DAAM2: variants seen among roughly 807,000 people sequenced by gnomAD.
DAAM2 encodes the protein disheveled-associated activator of morphogenesis 2.
In DAAM2, 39 loss-of-function variants were observed where a neutral mutation model predicts 120.7. The ratio of observed to expected loss-of-function variants is 0.32; its 90% CI spans 0.25 to 0.42. DAAM2 has a LOEUF of 0.42. Ranked by LOEUF, DAAM2 falls within the 10% of genes least tolerant of loss-of-function variation. The pLI is 1.00. For synonymous variants in DAAM2, 488 were observed against 524.9 expected, an observed-to-expected ratio of 0.93 and a Z score of 0.96; for missense variants, 1,283 against 1,401.7, an observed-to-expected ratio of 0.92 and a Z score of 1.35.
At chr6:39,880,835 T>C (rs992801311) in intron 14 of DAAM2, among the ~76,000 whole-genome samples, 7 of 152,192 alleles carry the variant, frequency 4.6e-5, no homozygotes, top group Non-Finnish European at 1.0e-4. Context: ...AGCAAGATTG[T>C]TGAGGTTGGT....
chr6:39,841,768 G>A (rs1422269286), intron 1 of DAAM2, among the ~76,000 whole-genome samples: 2 of 152,088 alleles, frequency 1.3e-5, no homozygotes, highest in Non-Finnish European at 2.9e-5. Flanking sequence ...GTCCATTCAA[G>A]GACTGTTCTC....
At chr6:39,823,801 T>C (rs1762571508) in intron 1 of DAAM2, among the ~76,000 whole-genome samples, 2 of 152,172 alleles carry the variant, frequency 1.3e-5, no homozygotes, top group Admixed American at 6.5e-5. Context: ...ATCAGCATCC[T>C]TTCTGGATCG....
chr6:39,814,011 T>G (rs1213134011), intron 1 of DAAM2, among the ~76,000 whole-genome samples: 2 of 152,150 alleles, frequency 1.3e-5, no homozygotes, highest in African/African-American at 4.8e-5. Flanking sequence ...AAAGACCAGC[T>G]GATACCCTGT....
intron 19 of DAAM2, among the ~76,000 whole-genome samples, chr6:39,892,205 A>G (rs997342444): frequency 1.3e-5 from 2 of 152,244 alleles, no homozygotes. Context: ...GAACACTTCC[A>G]ATACAGGCCA....
At chr6:39,845,515 C>T (rs557394853) in intron 1 of DAAM2, among the ~76,000 whole-genome samples, 3 of 145,908 alleles carry the variant, frequency 2.1e-5, no homozygotes, top group Admixed American at 6.7e-5. Flanking sequence ...AGTACACATA[C>T]CACACATATG....
At chr6:39,828,398 A>G (rs1484048325) in intron 1 of DAAM2, among the ~76,000 whole-genome samples, 2 of 152,134 alleles carry the variant, frequency 1.3e-5, no homozygotes, top group African/African-American at 4.8e-5. Flanking sequence ...TCATGCAGCC[A>G]ATATTTAATA....
rs538751967 is a variant in DAAM2 at position 39,888,752 on chromosome 6, A to G, written c.2134A>G (p.Met712Val). 2 of 1,612,532 alleles carry G rather than the reference A, an allele frequency of 1.2e-6. No homozygotes were observed. Among genetic ancestry groups the G allele is most frequent in the East Asian group, 2.2e-5 (1 of 44,858 alleles). The change falls in exon 17 of 25, where the codon ATG (methionine) becomes GTG (valine). Residue 712 changes from methionine to valine, a missense_variant. This residue lies in a region of DAAM2 where 748 missense variants were observed against 768.6 expected (regional missense o/e 0.97). Transcript: ENST00000274867. ...TGAGCAGGAGGACCTTGCTAAGGAC[A>G]TGCTGGAGCAGGTGAGGACCCTCGT... ...MDEQEDLAKD[M>V]LEQLLKFIPE...
intron 1 of DAAM2, among the ~76,000 whole-genome samples, chr6:39,839,840 C>T (rs1763254428): frequency 6.6e-6 from 1 of 152,228 alleles, no homozygotes; most frequent in South Asian, 2.1e-4. Context: ...ACCCAGTAGA[C>T]TGGATATGAA....
chr6:39,870,360 A>G lies in DAAM2; in HGVS notation c.894A>G (p.Leu298=). 1 of 1,578,262 alleles carries G rather than the reference A, an allele frequency of 6.3e-7. No individual in the cohort carries two copies. Among genetic ancestry groups the G allele is most frequent in the African/African-American group, 1.3e-5 (1 of 74,402 alleles). ...GAGEDNLEFR[L]HLRYEFLMLG... ...CCCAGGATAATCTGGAGTTCCGCCTACATCTACGGTATGAATTCCTGATGC... is the reference window on the plus strand; with the variant it reads ...CCCAGGATAATCTGGAGTTCCGCCTGCATCTACGGTATGAATTCCTGATGC... The change falls in exon 8 of 25, where the codon CTA becomes CTG. Residue 298 remains leucine (L), a synonymous_variant. Transcript: ENST00000274867.
At chr6:39,827,143 A>G (rs1191282201) in intron 1 of DAAM2, among the ~76,000 whole-genome samples, 1 of 152,202 alleles carries the variant, frequency 6.6e-6, no homozygotes, top group South Asian at 2.1e-4. Flanking sequence ...TTTGTCTGCG[A>G]CTGTTCTGTA....
intron 19 of DAAM2, among the ~76,000 whole-genome samples, chr6:39,896,271 T>A (rs1015429927): frequency 6.6e-6 from 1 of 152,072 alleles, no homozygotes; most frequent in Admixed American, 6.5e-5. Context: ...GAGGCAATCT[T>A]GGCTCACTGC....
chr6:39,855,280 C>A (rs1182655507), intron 1 of DAAM2, among the ~76,000 whole-genome samples: 1 of 152,088 alleles, frequency 6.6e-6, no homozygotes, highest in Non-Finnish European at 1.5e-5. Flanking sequence ...GATCTAGAGG[C>A]CATGTGGCAC....
At chr6:39,899,038 T>TGGGC in intron 22 of DAAM2, 101 bp downstream of exon 22, 1 of 322,212 alleles carries the variant, frequency 3.1e-6, no homozygotes, top group Admixed American at 5.9e-5. Context: ...AAACAATGGG[T>TGGGC]ACAGCCTCTA....
At chr6:39,868,760 CA>C (rs1345861973) in intron 6 of DAAM2, 62 bp from the exon 7 acceptor site, 1 of 1,250,972 alleles carries the variant, frequency 8.0e-7, no homozygotes, top group African/African-American at 1.5e-5. Flanking sequence ...AGTAAAGATG[CA>C]AAGGCCACAC....
At chr6:39,862,239 A>G (rs910853245) in intron 3 of DAAM2, 1 of 152,218 alleles carries the variant, frequency 6.6e-6, no homozygotes, top group African/African-American at 2.4e-5. Flanking sequence ...ACCTGTGACA[A>G]GAGGCATGGG....
At chr6:39,835,572 GCT>G (rs1175923187) in intron 1 of DAAM2, among the ~76,000 whole-genome samples, 1 of 152,236 alleles carries the variant, frequency 6.6e-6, no homozygotes, top group Non-Finnish European at 1.5e-5. Context: ...CAGAGTTGGT[GCT>G]CAGAGAACAT....
chr6:39,867,589 G>A lies in DAAM2; in HGVS notation c.508G>A (p.Glu170Lys). The change falls in exon 6 of 25, where the codon GAG becomes AAG. Residue 170 changes from glutamate to lysine, a missense_variant. By Grantham distance (56) the Glu-to-Lys change is moderately conservative. Transcript: ENST00000274867. ...CCGGAGCATGGACCACGCCACCTGT[G>A]AGAGCCGCATCCACACCTCACTCAT... is the stretch of plus-strand genomic sequence containing the variant. ...FLRSMDHATC[E>K]SRIHTSLIGC... 6.2e-7 allele frequency: 1 copy of A among 1,614,028 alleles called. No homozygotes were observed. The highest frequency in any genetic ancestry group is 8.5e-7 in the Non-Finnish European group (1 of 1,179,894).
chr6:39,882,719 GCACACA>G (rs1055877250), intron 14 of DAAM2, among the ~76,000 whole-genome samples: 2 of 87,740 alleles, frequency 2.3e-5, no homozygotes, highest in Non-Finnish European at 4.9e-5. Flanking sequence ...ACACACACAC[GCACACA>G]CACACACATA....
At chr6:39,882,720 C>CAT in intron 14 of DAAM2, among the ~76,000 whole-genome samples, 1 of 145,384 alleles carries the variant, frequency 6.9e-6, no homozygotes, top group Non-Finnish European at 1.5e-5. Flanking sequence ...CACACACACG[C>CAT]ACACACACAC....
Sources: gnomAD v4.1 joint callset for allele counts (sites outside exome capture counted in the v4.1 genomes callset) on GRCh38, gnomAD v4.1.1 for gene constraint, gnomAD v4.1.1 regional missense constraint, MANE v1.5 for transcripts, NCBI Gene and HGNC (gene_info 2026-07-23, HGNC 2026-07-21) for gene names.